TSHZ2: variants seen among roughly 807,000 people sequenced by gnomAD.
TSHZ2 encodes the protein teashirt zinc finger homeobox 2, also known as teashirt homolog 2.
A neutral mutation model predicts 74.4 loss-of-function variants in TSHZ2; 21 were observed. The observed-to-expected ratio is 0.28, with a 90% confidence interval of 0.20 to 0.41. The LOEUF (loss-of-function observed/expected upper bound fraction) is 0.41. Ranked by LOEUF, TSHZ2 falls within the 10% of genes least tolerant of loss-of-function variation. The pLI is 1.00. For synonymous variants in TSHZ2, 540 were observed against 515.3 expected (o/e 1.05, Z -0.65); for missense variants, 1,244 against 1,293.5 (o/e 0.96, Z 0.59).
At chr20:53,299,766 C>G (rs1991445808) in intron 2 of TSHZ2, among the ~76,000 whole-genome samples, 1 of 151,634 alleles carries the variant, frequency 6.6e-6, no homozygotes, top group Non-Finnish European at 1.5e-5. Flanking sequence ...AATTAGATGA[C>G]TACAGTTTGG....
chr20:53,114,648 C>A (rs761043421), intron 1 of TSHZ2, among the ~76,000 whole-genome samples: 1 of 150,476 alleles, frequency 6.6e-6, no homozygotes, highest in Non-Finnish European at 1.5e-5. Context: ...GACCTCTTTC[C>A]GCCACTCTGG....
At chr20:53,353,109 T>C (rs979544522) in intron 2 of TSHZ2, among the ~76,000 whole-genome samples, 4 of 152,088 alleles carry the variant, frequency 2.6e-5, no homozygotes, top group Non-Finnish European at 5.9e-5. Flanking sequence ...AATAGAAAAA[T>C]TAAAAATCAT....
intron 1 of TSHZ2, among the ~76,000 whole-genome samples, chr20:53,128,079 A>T (rs771801370): frequency 6.6e-6 from 1 of 152,146 alleles, no homozygotes; most frequent in Non-Finnish European, 1.5e-5. Context: ...CAGATAGTAG[A>T]TTTCATCTTG....
intron 1 of TSHZ2, among the ~76,000 whole-genome samples, chr20:53,157,137 G>A (rs999570792): frequency 6.6e-6 from 1 of 152,126 alleles, no homozygotes; most frequent in African/African-American, 2.4e-5. Context: ...TCAATTTTCA[G>A]TACAGCTAGA....
chr20:53,040,871 T>C (rs766306472), intron 1 of TSHZ2, among the ~76,000 whole-genome samples: 5 of 152,170 alleles, frequency 3.3e-5, no homozygotes, highest in Non-Finnish European at 5.9e-5. Context: ...CCCCACAGCC[T>C]GGCACGGTGC....
intron 1 of TSHZ2, among the ~76,000 whole-genome samples, chr20:53,105,947 C>G (rs945416317): frequency 3.3e-5 from 5 of 152,148 alleles, no homozygotes; most frequent in Admixed American, 3.3e-4. Flanking sequence ...CCGCACCCAG[C>G]CTTATTTTAT....
chr20:53,180,969 G>C (rs377089621), intron 1 of TSHZ2, among the ~76,000 whole-genome samples: 2 of 151,984 alleles, frequency 1.3e-5, no homozygotes, highest in Admixed American at 6.6e-5. Flanking sequence ...CTGCCCTTTA[G>C]ACTTAGCTAA....
At chr20:53,269,444 C>G (rs1990785942) in intron 2 of TSHZ2, among the ~76,000 whole-genome samples, 1 of 152,172 alleles carries the variant, frequency 6.6e-6, no homozygotes. Context: ...CCATTCTCTT[C>G]CTGCCACCAG....
At chr20:53,123,445 A>G (rs1459564626) in intron 1 of TSHZ2, among the ~76,000 whole-genome samples, 2 of 152,134 alleles carry the variant, frequency 1.3e-5, no homozygotes, top group Non-Finnish European at 2.9e-5. Context: ...CGGTTGGCTG[A>G]TCTAGGACAG....
chr20:53,037,210 C>A (rs1240349065), intron 1 of TSHZ2, among the ~76,000 whole-genome samples: 1 of 152,172 alleles, frequency 6.6e-6, no homozygotes, highest in Non-Finnish European at 1.5e-5. Flanking sequence ...GTCACTCAGG[C>A]ACGGGTCAGT....
At chr20:53,054,811 T>C (rs1413380946) in intron 1 of TSHZ2, among the ~76,000 whole-genome samples, 1 of 152,152 alleles carries the variant, frequency 6.6e-6, no homozygotes, top group Non-Finnish European at 1.5e-5. Flanking sequence ...TCATGGGCTA[T>C]GGGCACTATA....
Position 53,028,574 on chromosome 20 carries a change from G to T in TSHZ2, c.40+55241G>T, listed in dbSNP as rs190087626. ...CTCTTTGCTTTGTTTTTCCTTGTTG[G>T]TTAGTCACTTTCATTCAATGTCATG... On this transcript the variant is annotated intron_variant, in intron 1 of 2. Transcript: ENST00000371497. Among the ~76,000 whole-genome samples the T allele has an allele frequency of 9.2e-4, 140 of 152,318 alleles. 1 individual carries two copies. Among genetic ancestry groups the T allele is most frequent in the Admixed American group, 1.6e-3 (25 of 15,300 alleles).
chr20:53,351,508 TG>T (rs1422005675), intron 2 of TSHZ2, among the ~76,000 whole-genome samples: 4 of 152,204 alleles, frequency 2.6e-5, no homozygotes, highest in Non-Finnish European at 5.9e-5. Flanking sequence ...ATTGATTTTT[TG>T]TCAAAAAAAG....
At chr20:53,277,620 A>AGCTCC (rs1990973591) in intron 2 of TSHZ2, among the ~76,000 whole-genome samples, 1 of 152,230 alleles carries the variant, frequency 6.6e-6, no homozygotes, top group African/African-American at 2.4e-5. Flanking sequence ...GGCAAATGGC[A>AGCTCC]AACGTGGACC....
chr20:53,003,714 C>T (rs1208445893), intron 1 of TSHZ2, among the ~76,000 whole-genome samples: 1 of 152,052 alleles, frequency 6.6e-6, no homozygotes, highest in African/African-American at 2.4e-5. Context: ...ACTGACTGAT[C>T]CGTTGTCTGT....
intron 1 of TSHZ2, among the ~76,000 whole-genome samples, chr20:53,250,773 A>G (rs1990308005): frequency 6.6e-6 from 1 of 151,960 alleles, no homozygotes; most frequent in South Asian, 2.1e-4. Context: ...ATCCATTTAG[A>G]AGGACAAAGT....
At chr20:53,090,946 TAATAA>T (rs1400507059) in intron 1 of TSHZ2, among the ~76,000 whole-genome samples, 1 of 152,208 alleles carries the variant, frequency 6.6e-6, no homozygotes, top group Non-Finnish European at 1.5e-5. Context: ...TTAATTCAAA[TAATAA>T]AATACTTACC....
chr20:53,049,941 G>C (rs1339515952), intron 1 of TSHZ2, among the ~76,000 whole-genome samples: 2 of 151,422 alleles, frequency 1.3e-5, no homozygotes, highest in African/African-American at 4.9e-5. Flanking sequence ...AATTGGCCTG[G>C]CTTGGTGGTG....
intron 1 of TSHZ2, among the ~76,000 whole-genome samples, chr20:53,117,507 C>T (rs775117679): frequency 4.6e-4 from 70 of 152,324 alleles, no homozygotes; most frequent in Non-Finnish European, 8.4e-4. Flanking sequence ...GTAAGACAAT[C>T]AGCTAGTGCT....
Sources: allele counts gnomAD v4.1 joint callset (sites outside exome capture counted in the v4.1 genomes callset), GRCh38; gene constraint gnomAD v4.1.1; transcripts MANE v1.5; gene names NCBI Gene and HGNC (gene_info 2026-07-23, HGNC 2026-07-21).